MLN: variants seen among roughly 807,000 people sequenced by gnomAD.
MLN encodes motilin, also known as promotilin.
Under a neutral mutation model 13.3 loss-of-function variants are expected in MLN, and 14 were observed. That is an observed-to-expected ratio of 1.05 (90% CI 0.69 to 1.64). The LOEUF (loss-of-function observed/expected upper bound fraction) is 1.64, where lower values mean the gene tolerates loss of function less well. Ranked by LOEUF, MLN falls within the 40% of genes most tolerant of loss-of-function variation. The pLI is 0.00. For synonymous variants in MLN, 59 were observed against 54.7 expected, an observed-to-expected ratio of 1.08 and a Z score of -0.34; for missense variants, 122 against 142.9, an observed-to-expected ratio of 0.85 and a Z score of 0.75.
At chr6:33,798,951 C>A (rs116979202) in intron 3 of MLN, among the ~76,000 whole-genome samples, 154 bp downstream of exon 3, 7 of 152,126 alleles carry the variant, frequency 4.6e-5, no homozygotes, top group Non-Finnish European at 7.4e-5. Context: ...TCTCTCCCTA[C>A]GAGGATGGAG....
Position 33,799,211 on chromosome 6 carries a change from C to A in MLN, c.128G>T (p.Arg43Leu). The change falls in exon 3 of 5, where the codon CGG (arginine) becomes CTG (leucine). Residue 43 changes from arginine (R) to leucine (L), a missense_variant. Coordinates refer to ENST00000430124, the MANE Select transcript of MLN (RefSeq NM_002418.3). The surrounding 1 kb of genome is among the most constrained non-coding windows in gnomAD (Gnocchi z 4.6). The part of the protein sequence containing the change: ...GELQRMQEKE[R>L]NKGQKKSLSV... Reference sequence around the variant, plus strand: ...CAGGGATTTCTTTTGCCCTTTATTCCGTTCCTTTTCCTAGGGGCAGAACAG... The same window carrying A: ...CAGGGATTTCTTTTGCCCTTTATTCAGTTCCTTTTCCTAGGGGCAGAACAG... 6 of 1,610,618 alleles carry A rather than the reference C, an allele frequency of 3.7e-6. No individual in the cohort carries two copies. Among genetic ancestry groups the A allele is most frequent in the Non-Finnish European group, 5.1e-6 (6 of 1,177,280 alleles).
rs544032385 is a variant in MLN at position 33,803,693 on chromosome 6, G to A, written c.-8+260C>T. 4.6e-5 allele frequency among the ~76,000 whole-genome samples: 7 copies of A among 152,322 alleles called. No homozygotes were observed. The highest frequency in any genetic ancestry group is 1.4e-4 in the African/African-American group (6 of 41,574). The stretch of plus-strand genomic sequence containing the variant: ...CTCTGGCTTGGGTTCCCGGCCCACC[G>A]TGGATGTGCCAGACCCACCCACAAC... On this transcript the variant is annotated intron_variant, in intron 1 of 4. Coordinates refer to ENST00000430124, the MANE Select transcript of MLN (RefSeq NM_002418.3). The surrounding 1 kb of genome is among the most constrained non-coding windows in gnomAD (Gnocchi z 4.5).
chr6:33,800,960 TG>T, intron 2 of MLN, 86 bp downstream of exon 2: 2 of 1,051,044 alleles, frequency 1.9e-6, no homozygotes, highest in Non-Finnish European at 2.9e-6. Context: ...TCTTGGGTCC[TG>T]GTCCTTTACA....
At chr6:33,800,718 C>T (rs1768024260) in intron 2 of MLN, among the ~76,000 whole-genome samples, 2 of 152,258 alleles carry the variant, frequency 1.3e-5, no homozygotes, top group South Asian at 4.1e-4. Context: ...CAGCCTTCTC[C>T]CTGGAGATGG....
intron 1 of MLN, among the ~76,000 whole-genome samples, chr6:33,802,468 C>A (rs1413581081): frequency 6.6e-6 from 1 of 152,212 alleles, no homozygotes; most frequent in Non-Finnish European, 1.5e-5. Flanking sequence ...CCTGGCTCCC[C>A]CTTTGAACAG....
At chr6:33,800,946 GT>G in intron 2 of MLN, 100 bp downstream of exon 2, 1 of 895,210 alleles carries the variant, frequency 1.1e-6, no homozygotes, top group Non-Finnish European at 1.8e-6. Flanking sequence ...GGAACTGGGG[GT>G]TATCTTGGGT....
chr6:33,799,461 C>T lies in MLN; in HGVS notation c.118-240G>A, dbSNP rs1178577480. ...TTCAAGGTCAACTTGAAGAGGAATCCATTCCTTTGTAGTTAAAACATTGCA... is the reference window on the plus strand; with the variant it reads ...TTCAAGGTCAACTTGAAGAGGAATCTATTCCTTTGTAGTTAAAACATTGCA... On this transcript the variant is annotated intron_variant, in intron 2 of 4. Coordinates refer to ENST00000430124, the MANE Select transcript of MLN (RefSeq NM_002418.3). This position sits in a 1 kb window ranked among gnomAD's most constrained non-coding sequence, Gnocchi z 4.6. Among the ~76,000 whole-genome samples, 1 of 152,200 alleles carries T rather than the reference C, an allele frequency of 6.6e-6. No individual in the cohort carries two copies. Among genetic ancestry groups the T allele is most frequent in the Non-Finnish European group, 1.5e-5 (1 of 68,038 alleles).
chr6:33,795,959 C>CTTTT (rs5875463), intron 3 of MLN, among the ~76,000 whole-genome samples: 4 of 121,780 alleles, frequency 3.3e-5, no homozygotes, highest in Non-Finnish European at 3.4e-5. Flanking sequence ...TTATTCTAAG[C>CTTTT]TTTTTTTTTT....
rs1044040105 is a variant in MLN at position 33,803,270 on chromosome 6, C to T, written c.-8+683G>A. 1.3e-5 allele frequency among the ~76,000 whole-genome samples: 2 copies of T among 151,928 alleles called. No individual in the cohort carries two copies. Among genetic ancestry groups the T allele is most frequent in the Non-Finnish European group, 2.9e-5 (2 of 67,956 alleles). ...TAGCCTTGCCTCCCCATGTGCTCTCCCTCGGGGTCAACTTTTTCTTTTCCT... is the reference window on the plus strand; with the variant it reads ...TAGCCTTGCCTCCCCATGTGCTCTCTCTCGGGGTCAACTTTTTCTTTTCCT... On this transcript the variant is annotated intron_variant, in intron 1 of 4. Coordinates refer to ENST00000430124, the MANE Select transcript of MLN (RefSeq NM_002418.3). The surrounding 1 kb of genome is among the most constrained non-coding windows in gnomAD (Gnocchi z 4.5).
chr6:33,802,765 G>A (rs1022878329), intron 1 of MLN, among the ~76,000 whole-genome samples: 5 of 152,198 alleles, frequency 3.3e-5, no homozygotes, highest in Admixed American at 3.3e-4. Context: ...GAGGCCTTGT[G>A]TGCAGCCCCA....
chr6:33,803,455 G>A lies in MLN; in HGVS notation c.-8+498C>T, dbSNP rs1225821005. 6.6e-6 allele frequency among the ~76,000 whole-genome samples: 1 copy of A among 151,978 alleles called. No homozygotes were observed. The highest frequency in any genetic ancestry group is 1.5e-5 in the Non-Finnish European group (1 of 67,970). ...CCTGAGTAGCTGGGACTACAGGCAT[G>A]TGCCACCTCGCATGGCTAATTTTTG... On this transcript the variant is annotated intron_variant, in intron 1 of 4. Transcript: ENST00000430124. The surrounding 1 kb of genome is among the most constrained non-coding windows in gnomAD (Gnocchi z 4.5).
intron 3 of MLN, among the ~76,000 whole-genome samples, chr6:33,796,554 C>T (rs1038829546): frequency 6.6e-6 from 1 of 151,566 alleles, no homozygotes; most frequent in African/African-American, 2.4e-5. Context: ...GACTCCTGGC[C>T]TCTCGGGAGA....
rs573375201 is a variant in MLN at position 33,801,633 on chromosome 6, A to C, written c.-7-463T>G. Among the ~76,000 whole-genome samples, 7 of 152,332 alleles carry C rather than the reference A, an allele frequency of 4.6e-5. No individual in the cohort carries two copies. In the East Asian group the frequency reaches 1.4e-3, roughly 29 times the overall value. The stretch of plus-strand genomic sequence containing the variant: ...GGGGTGGACCCAAGCCCAGATGACC[A>C]GGGCTCTGCCTGGAAGTGCCAGGCC... On this transcript the variant is annotated intron_variant, in intron 1 of 4. Coordinates refer to ENST00000430124, the MANE Select transcript of MLN (RefSeq NM_002418.3).
Position 33,799,962 on chromosome 6 carries a change from G to A in MLN, c.118-741C>T, listed in dbSNP as rs1768007239. On this transcript the variant is annotated intron_variant, in intron 2 of 4. Coordinates refer to ENST00000430124, the MANE Select transcript of MLN (RefSeq NM_002418.3). This position sits in a 1 kb window ranked among gnomAD's most constrained non-coding sequence, Gnocchi z 4.6. The stretch of plus-strand genomic sequence containing the variant: ...CCTGCCCTGAGACGTGGTGATTCTA[G>A]AACAAACAGTCATCCTGTGGGGAGT... Among the ~76,000 whole-genome samples, 1 of 152,176 alleles carries A rather than the reference G, an allele frequency of 6.6e-6. No individual in the cohort carries two copies. The highest frequency in any genetic ancestry group is 2.4e-5 in the African/African-American group (1 of 41,432).
At chr6:33,802,621 C>G (rs1186444683) in intron 1 of MLN, among the ~76,000 whole-genome samples, 1 of 152,210 alleles carries the variant, frequency 6.6e-6, no homozygotes, top group Non-Finnish European at 1.5e-5. Flanking sequence ...CCTATTTTCT[C>G]TCCATTTTGT....
chr6:33,796,699 C>T (rs1295291074), intron 3 of MLN, among the ~76,000 whole-genome samples: 1 of 152,222 alleles, frequency 6.6e-6, no homozygotes, highest in Non-Finnish European at 1.5e-5. Flanking sequence ...CCAGTTCTGC[C>T]TGTGCCGTTC....
At chr6:33,797,227 C>T (rs1358146214) in intron 3 of MLN, among the ~76,000 whole-genome samples, 2 of 152,210 alleles carry the variant, frequency 1.3e-5, no homozygotes, top group Non-Finnish European at 2.9e-5. Context: ...GTCTTCTCGC[C>T]CCTCAGGCCC....
chr6:33,796,283 A>G (rs1054602976), intron 3 of MLN, among the ~76,000 whole-genome samples: 1 of 152,168 alleles, frequency 6.6e-6, no homozygotes, highest in African/African-American at 2.4e-5. Flanking sequence ...AACTGAGGAC[A>G]ATGAGATTGA....
rs189355467 is a variant in MLN, at chr6:33,795,461, C to A, written c.337+42G>T. 2.7e-6 allele frequency: 4 copies of A among 1,499,730 alleles called. No homozygotes were observed. In the East Asian group the frequency reaches 9.8e-5, roughly 37 times the overall value. The allele number at this position is 1,499,730 out of a possible 1,614,324, so 92.9% of individuals were successfully genotyped here. A position where few individuals can be genotyped will look rare whatever the true frequency, so the allele number is the denominator to read the frequency against. The stretch of plus-strand genomic sequence containing the variant: ...TCTGGAGTATTAACGCCAGGGTGGG[C>A]GGAGGCCGGCCAAGCCACAGAGATG... On this transcript the variant is annotated intron_variant, in intron 4 of 4. Transcript: ENST00000430124.
Sources: allele counts gnomAD v4.1 joint callset (sites outside exome capture counted in the v4.1 genomes callset), GRCh38; gene constraint gnomAD v4.1.1; non-coding constraint Gnocchi (gnomAD v3.1); transcripts MANE v1.5; gene names NCBI Gene and HGNC (gene_info 2026-07-23, HGNC 2026-07-21).